ARPIN: variants seen among roughly 807,000 people sequenced by gnomAD.
ARPIN encodes UPF0552 protein C15orf38.
ARPIN carries 23 observed loss-of-function variants against 25.9 expected under a neutral mutation model. The observed-to-expected ratio is 0.89, with a 90% CI of 0.64 to 1.26. The LOEUF (loss-of-function observed/expected upper bound fraction) is 1.26. Ranked by LOEUF, ARPIN falls within the 50% of genes most tolerant of loss-of-function variation. The pLI, the probability that ARPIN is intolerant of heterozygous loss-of-function variation, is 0.00. For synonymous variants in ARPIN, 126 were observed against 131.4 expected (o/e 0.96, Z 0.28); for missense variants, 333 against 312.2 (o/e 1.07, Z -0.50).
At chr15:89,910,414 A>G (rs1389850081) in intron 2 of ARPIN, among the ~76,000 whole-genome samples, 2 of 152,144 alleles carry the variant, frequency 1.3e-5, no homozygotes, top group African/African-American at 2.4e-5. Context: ...GGACATCAAC[A>G]TGGGAACTGA....
At chr15:89,908,159 C>G (rs956187202) in intron 3 of ARPIN, 121 bp downstream of exon 3, 6 of 1,492,808 alleles carry the variant, frequency 4.0e-6, no homozygotes, top group South Asian at 1.3e-5. Context: ...AGGCCACATA[C>G]AGGGCTTCAA....
chr15:89,906,158 T>C (rs765619335), intron 3 of ARPIN, among the ~76,000 whole-genome samples: 1 of 152,176 alleles, frequency 6.6e-6, no homozygotes, highest in Non-Finnish European at 1.5e-5. Flanking sequence ...ATCTCTGTCC[T>C]AGGTGACCCT....
rs1420573770 is a variant in ARPIN at position 89,897,761 on chromosome 15, T to TA, written c.*4033dup. 1 of 152,340 alleles carries TA rather than the reference T, an allele frequency of 6.6e-6. No homozygotes were observed. The highest frequency in any genetic ancestry group is 1.9e-4 in the East Asian group (1 of 5,184). 9.4% of individuals were successfully genotyped at this position (152,340 alleles called of 1,614,324 possible). On this transcript the variant is annotated 3_prime_UTR_variant, in exon 6 of 6. Coordinates refer to ENST00000357484, the MANE Select transcript of ARPIN (RefSeq NM_182616.4). ...TTTTTTCCCCTTTAAATATATTTCC[T>TA]AAATGCATTGCTATTTGTGGAGATT... is the stretch of plus-strand genomic sequence containing the variant.
intron 3 of ARPIN, 27 bp downstream of exon 3, chr15:89,908,253 G>A (rs780341786): frequency 6.2e-7 from 1 of 1,613,628 alleles, no homozygotes; most frequent in Non-Finnish European, 8.5e-7. Flanking sequence ...GGCCCTGAGG[G>A]AGAGAGGGAG....
chr15:89,907,911 C>T (rs73480049), intron 3 of ARPIN, among the ~76,000 whole-genome samples: 3,526 of 152,324 alleles, frequency 0.023, 118 homozygotes, highest in African/African-American at 0.069. Flanking sequence ...ATAGCACGCA[C>T]GGACTGAGAC....
chr15:89,908,925 G>A (rs906306792), intron 2 of ARPIN, among the ~76,000 whole-genome samples: 22 of 152,150 alleles, frequency 1.4e-4, no homozygotes, highest in Admixed American at 5.9e-4. Flanking sequence ...GGAGGTTGCT[G>A]TAAGCCGAGA....
rs1355179672 is a variant in ARPIN, at chr15:89,900,570, A to C, written c.*1225T>G. Reference sequence around the variant, plus strand: ...GAGAAGTACGATATCGCAAGTGCTTAGCACAAGTATGAGTAATTATTATCA... The same window carrying C: ...GAGAAGTACGATATCGCAAGTGCTTCGCACAAGTATGAGTAATTATTATCA... On this transcript the variant is annotated 3_prime_UTR_variant, in exon 6 of 6. Coordinates refer to ENST00000357484, the MANE Select transcript of ARPIN (RefSeq NM_182616.4). 6.6e-6 allele frequency: 1 copy of C among 152,218 alleles called. No homozygotes were observed. Among genetic ancestry groups the C allele is most frequent in the Non-Finnish European group, 1.5e-5 (1 of 68,052 alleles). 9.4% of individuals were successfully genotyped at this position (152,218 alleles called of 1,614,324 possible).
intron 1 of ARPIN, among the ~76,000 whole-genome samples, chr15:89,911,776 G>T (rs147599962): frequency 7.2e-5 from 11 of 152,132 alleles, no homozygotes; most frequent in African/African-American, 2.7e-4. Flanking sequence ...TTGTACCTTT[G>T]ATCATTACCC....
Position 89,902,761 on chromosome 15 carries a change from C to T in ARPIN, c.672+455G>A, listed in dbSNP as rs185329842. 1.2e-5 allele frequency: 8 copies of T among 694,048 alleles called. No individual in the cohort carries two copies. In the South Asian group the frequency reaches 1.2e-4, roughly 11 times the overall value. 43.0% of individuals were successfully genotyped at this position (694,048 alleles called of 1,614,324 possible). On this transcript the variant is annotated intron_variant, in intron 5 of 5. Coordinates refer to ENST00000357484, the MANE Select transcript of ARPIN (RefSeq NM_182616.4). ...CAACTGTGAATAGGCTGAGGATCAACGTGGGGACTGACTCTCATCAAAAGA... is the reference window on the plus strand; with the variant it reads ...CAACTGTGAATAGGCTGAGGATCAATGTGGGGACTGACTCTCATCAAAAGA...
chr15:89,903,709 A>G, intron 4 of ARPIN, 68 bp downstream of exon 4: 1 of 1,589,128 alleles, frequency 6.3e-7, no homozygotes, highest in Non-Finnish European at 8.6e-7. Flanking sequence ...CTCTAGGCAG[A>G]AGGGAGGCCA....
chr15:89,902,597 G>A (rs756316795), intron 5 of ARPIN, among the ~76,000 whole-genome samples: 1 of 152,130 alleles, frequency 6.6e-6, no homozygotes, highest in African/African-American at 2.4e-5. Context: ...CCAGCTACTT[G>A]GGAGGCTGAG....
At chr15:89,910,842 G>A (rs897220614) in intron 1 of ARPIN, 23 bp from the exon 2 acceptor site, 1 of 1,613,466 alleles carries the variant, frequency 6.2e-7, no homozygotes, top group African/African-American at 1.3e-5. Flanking sequence ...GGGAAAGAAA[G>A]GATAGCCAGT....
In ARPIN at chr15:89,898,507, T is replaced by C. The variant is rs1486153372; in HGVS notation, c.*3288A>G. 1.3e-5 allele frequency: 2 copies of C among 152,230 alleles called. No homozygotes were observed. Among genetic ancestry groups the C allele is most frequent in the Admixed American group, 1.3e-4 (2 of 15,292 alleles). The allele number at this position is 152,230 out of a possible 1,614,324, so 9.4% of individuals were successfully genotyped here. A position where few individuals can be genotyped will look rare whatever the true frequency, so the allele number is the denominator to read the frequency against. On this transcript the variant is annotated 3_prime_UTR_variant, in exon 6 of 6. Coordinates refer to ENST00000357484, the MANE Select transcript of ARPIN (RefSeq NM_182616.4). Reference sequence around the variant, plus strand: ...CCTGAAGAGTTACAGTAAATGTTAGTATAGTTAAAGCTCCAAGAAATCCTA... The same window carrying C: ...CCTGAAGAGTTACAGTAAATGTTAGCATAGTTAAAGCTCCAAGAAATCCTA...
chr15:89,901,942 T>G (rs2141917853), intron 5 of ARPIN, 139 bp from the exon 6 acceptor site: 2 of 916,392 alleles, frequency 2.2e-6, no homozygotes, highest in East Asian at 5.3e-5. Flanking sequence ...TCATTAGAGC[T>G]GGCCCGGCAG....
intron 3 of ARPIN, among the ~76,000 whole-genome samples, chr15:89,907,650 G>A (rs895276380): frequency 6.6e-6 from 1 of 152,114 alleles, no homozygotes; most frequent in South Asian, 2.1e-4. Context: ...AGACATTTCT[G>A]TTCTTAAGTA....
chr15:89,910,615 C>T (rs976211577), intron 2 of ARPIN, 129 bp downstream of exon 2: 1 of 1,110,510 alleles, frequency 9.0e-7, no homozygotes, highest in African/African-American at 1.5e-5. Flanking sequence ...ACCTACTTCC[C>T]ACTTGCTTTC....
Position 89,901,704 on chromosome 15 carries a change from TG to T in ARPIN, c.*90del, listed in dbSNP as rs1304969987. ...AAGAACCAGGTAAGACTTGGCAGACTGTTCTCTCCAGCTCCAGAGTAGAAGT... is the reference window on the plus strand; with the variant it reads ...AAGAACCAGGTAAGACTTGGCAGACTTTCTCTCCAGCTCCAGAGTAGAAGT... On this transcript the variant is annotated 3_prime_UTR_variant, in exon 6 of 6. Transcript: ENST00000357484. The T allele has an allele frequency of 1.1e-5, 17 of 1,487,870 alleles. No individual in the cohort carries two copies. The highest frequency in any genetic ancestry group is 1.6e-5 in the Non-Finnish European group (17 of 1,069,808). 92.2% of individuals were successfully genotyped at this position (1,487,870 alleles called of 1,614,324 possible).
intron 3 of ARPIN, 135 bp from the exon 4 acceptor site, chr15:89,904,118 C>T (rs1243269827): frequency 4.5e-6 from 5 of 1,104,688 alleles, no homozygotes; most frequent in East Asian, 2.6e-5. Context: ...GCCCATTCTG[C>T]GAGTCCTCAT....
At chr15:89,906,292 G>C (rs1301210682) in intron 3 of ARPIN, among the ~76,000 whole-genome samples, 1 of 152,040 alleles carries the variant, frequency 6.6e-6, no homozygotes, top group Non-Finnish European at 1.5e-5. Context: ...CTGCACCCTT[G>C]GTTAGAGTTG....
Sources: allele counts gnomAD v4.1 joint callset (sites outside exome capture counted in the v4.1 genomes callset), GRCh38; gene constraint gnomAD v4.1.1; transcripts MANE v1.5; gene names NCBI Gene and HGNC (gene_info 2026-07-23, HGNC 2026-07-21).